Variants in NXPE2 observed in about 807,000 individuals in gnomAD.
NXPE2 encodes NXPE family member 2.
NXPE2 carries 34 observed loss-of-function variants against 34.4 expected under a neutral mutation model. That is an observed-to-expected ratio of 0.99 (90% CI 0.75 to 1.31). NXPE2 has a LOEUF of 1.31. Ranked by LOEUF, NXPE2 falls within the 40% of genes most tolerant of loss-of-function variation. The probability of loss-of-function intolerance (pLI) is 0.00; values close to 1 mark genes in which losing one functional copy is unlikely to be tolerated. For synonymous variants in NXPE2, 235 were observed against 231.3 expected, an observed-to-expected ratio of 1.02 and a Z score of -0.15; for missense variants, 649 against 672.5, an observed-to-expected ratio of 0.97 and a Z score of 0.39.
chr11:114,465,763 A>G, the NXPE2 span, among the ~76,000 whole-genome samples: 2 of 152,218 alleles, frequency 1.3e-5, no homozygotes. Context: ...CTGGAATTCA[A>G]GGTCAGCCTG....
At chr11:114,597,858 C>G in the NXPE2 span, among the ~76,000 whole-genome samples, 11 of 152,190 alleles carry the variant, frequency 7.2e-5, no homozygotes, top group Admixed American at 3.3e-4. Context: ...ATATATTAAT[C>G]TACACTCACA....
At chr11:114,477,573 T>G in the NXPE2 span, among the ~76,000 whole-genome samples, 1 of 151,964 alleles carries the variant, frequency 6.6e-6, no homozygotes, top group East Asian at 1.9e-4. Context: ...AAACCTGAAA[T>G]TTTGGAGTTC....
chr11:114,557,350 C>T, the NXPE2 span, among the ~76,000 whole-genome samples: 1 of 151,886 alleles, frequency 6.6e-6, no homozygotes, highest in Non-Finnish European at 1.5e-5. Flanking sequence ...TAAATTGGTA[C>T]TTTTACTAAT....
the NXPE2 span, among the ~76,000 whole-genome samples, chr11:114,749,853 C>A: frequency 6.6e-6 from 1 of 152,150 alleles, no homozygotes; most frequent in African/African-American, 2.4e-5. Flanking sequence ...CTTCACCCTG[C>A]TCAAGCTTTG....
At chr11:114,728,689 C>T in the NXPE2 span, among the ~76,000 whole-genome samples, 3 of 152,008 alleles carry the variant, frequency 2.0e-5, no homozygotes, top group African/African-American at 7.2e-5. Flanking sequence ...ATGGGACATA[C>T]AGTCTCTGTC....
the NXPE2 span, among the ~76,000 whole-genome samples, chr11:114,812,856 A>T: frequency 6.6e-6 from 1 of 152,220 alleles, no homozygotes; most frequent in Admixed American, 6.5e-5. Flanking sequence ...TGAAGCCTGC[A>T]ATTAGTTTGT....
At chr11:114,580,542 T>C in the NXPE2 span, among the ~76,000 whole-genome samples, 1 of 152,160 alleles carries the variant, frequency 6.6e-6, no homozygotes, top group African/African-American at 2.4e-5. Context: ...TAAATAATGT[T>C]CATTAATGTT....
At chr11:114,735,517 C>T in the NXPE2 span, among the ~76,000 whole-genome samples, 48 of 152,092 alleles carry the variant, frequency 3.2e-4, no homozygotes, top group Non-Finnish European at 5.9e-4. Flanking sequence ...AAAATTATTT[C>T]CATGTCATAA....
At chr11:114,469,402 C>T in the NXPE2 span, among the ~76,000 whole-genome samples, 7 of 151,368 alleles carry the variant, frequency 4.6e-5, no homozygotes, top group Non-Finnish European at 8.8e-5. Context: ...TGTGAGCCAC[C>T]GCGCCTTGCC....
the NXPE2 span, among the ~76,000 whole-genome samples, chr11:114,762,022 G>A: frequency 1.3e-5 from 2 of 152,212 alleles, no homozygotes; most frequent in Non-Finnish European, 2.9e-5. Flanking sequence ...GAAGACTAAC[G>A]TGTAAACTCA....
At chr11:114,786,012 C>T in the NXPE2 span, among the ~76,000 whole-genome samples, 1 of 152,124 alleles carries the variant, frequency 6.6e-6, no homozygotes, top group Non-Finnish European at 1.5e-5. Flanking sequence ...TGGCAGAGTG[C>T]CAAGTCCTTC....
At chr11:114,497,031 T>C in the NXPE2 span, among the ~76,000 whole-genome samples, 5 of 152,196 alleles carry the variant, frequency 3.3e-5, no homozygotes, top group Non-Finnish European at 7.3e-5. Context: ...CAGAGTGTAC[T>C]TTTTCTACTT....
the NXPE2 span, among the ~76,000 whole-genome samples, chr11:114,485,482 G>A: frequency 1.4e-5 from 2 of 145,524 alleles, no homozygotes; most frequent in East Asian, 2.1e-4. Flanking sequence ...CTGCCACCTC[G>A]GCCTCCCAAA....
the NXPE2 span, among the ~76,000 whole-genome samples, chr11:114,556,894 G>T: frequency 1.4e-5 from 2 of 147,022 alleles, no homozygotes; most frequent in Admixed American, 6.8e-5. Context: ...CTCCCTTTTT[G>T]ACTTTTTTTT....
chr11:114,750,028 C>T, the NXPE2 span, among the ~76,000 whole-genome samples: 1 of 152,164 alleles, frequency 6.6e-6, no homozygotes, highest in African/African-American at 2.4e-5. Flanking sequence ...ACATTCTTCT[C>T]ACCCACCCAG....
At chr11:114,637,531 G>A in the NXPE2 span, among the ~76,000 whole-genome samples, 32 of 150,716 alleles carry the variant, frequency 2.1e-4, no homozygotes, top group African/African-American at 7.3e-4. Context: ...TATTTTGCTC[G>A]TTAGTTGATA....
At chr11:114,745,654 T>G in the NXPE2 span, among the ~76,000 whole-genome samples, 1 of 152,144 alleles carries the variant, frequency 6.6e-6, no homozygotes, top group South Asian at 2.1e-4. Context: ...CTTTGGGGAA[T>G]TTTTTTACAT....
chr11:114,479,967 A>G, the NXPE2 span, among the ~76,000 whole-genome samples: 5 of 152,158 alleles, frequency 3.3e-5, no homozygotes, highest in African/African-American at 1.2e-4. Context: ...GAGAAGGAGC[A>G]AGAGAGACAT....
chr11:114,594,718 C>T, the NXPE2 span: 1 of 1,601,730 alleles, frequency 6.2e-7, no homozygotes, highest in East Asian at 2.2e-5. Context: ...ATATAAACAA[C>T]AGTGCCAATA....
Sources: allele counts gnomAD v4.1 joint callset (sites outside exome capture counted in the v4.1 genomes callset), GRCh38; gene constraint gnomAD v4.1.1; transcripts MANE v1.5; gene names NCBI Gene and HGNC (gene_info 2026-07-23, HGNC 2026-07-21).